CCDC3: variants seen among roughly 807,000 people sequenced by gnomAD.
CCDC3 encodes coiled-coil domain containing 3.
A neutral mutation model predicts 21.4 loss-of-function variants in CCDC3; 24 were observed. The ratio of observed to expected loss-of-function variants is 1.12; its 90% CI spans 0.81 to 1.58. The LOEUF (loss-of-function observed/expected upper bound fraction) is 1.58. CCDC3 is among the 40% of genes most tolerant of loss of function. The pLI, the probability that CCDC3 is intolerant of heterozygous loss-of-function variation, is 0.00. For missense variants in CCDC3, 425 were observed against 360.9 expected (o/e 1.18, Z -1.44); for synonymous variants, 186 against 166.0 (o/e 1.12, Z -0.93).
intron 2 of CCDC3, among the ~76,000 whole-genome samples, chr10:12,990,113 G>A (rs11598408): frequency 0.2 from 30,561 of 151,744 alleles, 3,248 homozygotes; most frequent in Admixed American, 0.3. Flanking sequence ...TTAGCCGGGC[G>A]TGGTGGCAGG....
intron 5 of CCDC3, among the ~76,000 whole-genome samples, chr10:13,046,881 A>G (rs968107810): frequency 1.3e-5 from 2 of 152,100 alleles, no homozygotes; most frequent in Admixed American, 1.3e-4. Flanking sequence ...TCATGAAAGC[A>G]AAGAATTAGA....
chr10:13,058,172 C>G, intron 4 of CCDC3: 1 of 1,029,024 alleles, frequency 9.7e-7, no homozygotes, highest in Non-Finnish European at 1.5e-6. Flanking sequence ...AGACAAGCCT[C>G]CATCCACAGC....
At position 12,919,582 on chromosome 10, in the gene CCDC3, T is replaced by G. The variant is rs898972443; in HGVS notation, c.550-20903A>C. Among the ~76,000 whole-genome samples the G allele has an allele frequency of 9.0e-4, 72 of 80,244 alleles. 1 individual carries two copies. The highest frequency in any genetic ancestry group is 3.2e-3 in the African/African-American group (67 of 21,214). The allele number at this position is 80,244 out of a possible 152,430, so 52.6% of individuals were successfully genotyped here. Reference sequence around the variant, plus strand: ...TCCAGCCTGGGCTACAGAGCAAGACTGTCTAAAAAAAAAAAAAAAAAAGAA... The same window carrying G: ...TCCAGCCTGGGCTACAGAGCAAGACGGTCTAAAAAAAAAAAAAAAAAAGAA... On this transcript the variant is annotated intron_variant, in intron 2 of 2. Transcript: ENST00000378825.
intron 5 of CCDC3, among the ~76,000 whole-genome samples, chr10:13,036,565 A>G (rs187168200): frequency 1.0e-3 from 155 of 152,194 alleles, no homozygotes; most frequent in African/African-American, 3.4e-3. Flanking sequence ...ACTCACTGCA[A>G]CCTCTGCCTA....
chr10:13,048,482 G>A (rs572680897), intron 5 of CCDC3, among the ~76,000 whole-genome samples: 9 of 152,154 alleles, frequency 5.9e-5, no homozygotes, highest in Admixed American at 6.5e-5. Context: ...GTGAGCCACT[G>A]CACCTGGCCA....
At chr10:13,029,435 C>T (rs1239265732) in intron 5 of CCDC3, among the ~76,000 whole-genome samples, 1 of 152,278 alleles carries the variant, frequency 6.6e-6, no homozygotes, top group African/African-American at 2.4e-5. Flanking sequence ...CTCTTCTCCT[C>T]CAAAGGAATG....
chr10:13,006,749 G>A (rs1228681806), intron 5 of CCDC3, among the ~76,000 whole-genome samples: 1 of 152,084 alleles, frequency 6.6e-6, no homozygotes, highest in Non-Finnish European at 1.5e-5. Flanking sequence ...TTCCTCAAGG[G>A]CACCTGGCTT....
intron 4 of CCDC3, among the ~76,000 whole-genome samples, chr10:13,061,181 T>C (rs866267159): frequency 2.0e-5 from 3 of 152,148 alleles, no homozygotes. Context: ...GAGTATAAAT[T>C]ATGGATTTTC....
At chr10:12,940,229 GTTT>G (rs34664068) in intron 2 of CCDC3, among the ~76,000 whole-genome samples, 6 of 105,194 alleles carry the variant, frequency 5.7e-5, no homozygotes, top group Admixed American at 9.5e-5. Flanking sequence ...CATTGAAATT[GTTT>G]TTTTTTTTTT....
intron 2 of CCDC3, among the ~76,000 whole-genome samples, chr10:12,905,656 C>T (rs1357347466): frequency 6.6e-6 from 1 of 152,190 alleles, no homozygotes; most frequent in Non-Finnish European, 1.5e-5. Context: ...CTATTGACTC[C>T]ATCTCAATGT....
chr10:12,982,680 G>T (rs891628263), intron 2 of CCDC3, among the ~76,000 whole-genome samples: 2 of 148,372 alleles, frequency 1.3e-5, no homozygotes, highest in Admixed American at 1.4e-4. Context: ...TGTAATCCCA[G>T]CTACTCAGGA....
chr10:13,024,645 T>C (rs981318146), intron 5 of CCDC3, among the ~76,000 whole-genome samples: 1 of 152,232 alleles, frequency 6.6e-6, no homozygotes, highest in African/African-American at 2.4e-5. Flanking sequence ...TTAGTTCTTC[T>C]AAATTTTACT....
At chr10:13,098,354 C>T (rs563452332) in intron 3 of CCDC3, among the ~76,000 whole-genome samples, 1 of 151,052 alleles carries the variant, frequency 6.6e-6, no homozygotes, top group East Asian at 1.9e-4. Context: ...CTCCCTCTCA[C>T]CCAAGCTGGA....
chr10:12,926,672 C>A (rs1009833812), intron 2 of CCDC3, among the ~76,000 whole-genome samples: 2 of 152,044 alleles, frequency 1.3e-5, no homozygotes, highest in African/African-American at 4.8e-5. Context: ...AAGCAAGACC[C>A]AACAACATGC....
At chr10:12,943,768 G>A (rs551122580) in intron 2 of CCDC3, among the ~76,000 whole-genome samples, 3 of 152,254 alleles carry the variant, frequency 2.0e-5, no homozygotes, top group African/African-American at 4.8e-5. Context: ...TGTGCATTTC[G>A]CCACAGATGA....
intron 2 of CCDC3, among the ~76,000 whole-genome samples, chr10:12,983,802 G>A (rs1025373694): frequency 2.6e-5 from 4 of 152,088 alleles, no homozygotes; most frequent in African/African-American, 9.7e-5. Context: ...CACTGAGGCT[G>A]GGCGCAATGA....
At chr10:13,053,779 T>C (rs947997975) in intron 4 of CCDC3, among the ~76,000 whole-genome samples, 24 of 152,126 alleles carry the variant, frequency 1.6e-4, no homozygotes, top group African/African-American at 5.8e-4. Flanking sequence ...TGATAAGCCA[T>C]GTGGGCAGGG....
At position 12,971,026 on chromosome 10, in the gene CCDC3, G is replaced by A. The variant is rs184888077; in HGVS notation, c.549+27312C>T. Among the ~76,000 whole-genome samples the A allele has an allele frequency of 2.5e-3, 377 of 152,306 alleles. 2 individuals are homozygous for A. The highest frequency in any genetic ancestry group is 1.6e-3 in the Non-Finnish European group (107 of 68,034). On this transcript the variant is annotated intron_variant, in intron 2 of 2. Transcript: ENST00000378825. ...ATCTGGAATCTATCTACTTACTGAT[G>A]TAATGTCAAGGCTTAAATATAAAGG... is the stretch of plus-strand genomic sequence containing the variant.
chr10:13,006,216 T>A (rs1302596787), upstream of CCDC3, among the ~76,000 whole-genome samples: 1 of 152,240 alleles, frequency 6.6e-6, no homozygotes, highest in South Asian at 2.1e-4. Context: ...GAGGCAAAAC[T>A]GAAAGTATAC....
Sources: allele counts gnomAD v4.1 joint callset (sites outside exome capture counted in the v4.1 genomes callset), GRCh38; gene constraint gnomAD v4.1.1; transcripts MANE v1.5; gene names NCBI Gene and HGNC (gene_info 2026-07-23, HGNC 2026-07-21).